Variants in SORCS3 observed in about 807,000 individuals in gnomAD.
SORCS3 encodes VPS10 domain-containing receptor SorCS3.
A neutral mutation model predicts 146.3 loss-of-function variants in SORCS3; 57 were observed. The ratio of observed to expected loss-of-function variants is 0.39; its 90% confidence interval spans 0.31 to 0.49. SORCS3 has a LOEUF of 0.49. Ranked by LOEUF, SORCS3 falls within the 20% of genes least tolerant of loss-of-function variation. The pLI is 0.92. For missense variants in SORCS3, 1,341 were observed against 1,575.5 expected, an observed-to-expected ratio of 0.85 and a Z score of 2.52; for synonymous variants, 653 against 618.5, an observed-to-expected ratio of 1.06 and a Z score of -0.83.
At chr10:104,703,184 T>C (rs1564663283) in intron 1 of SORCS3, among the ~76,000 whole-genome samples, 2 of 152,138 alleles carry the variant, frequency 1.3e-5, no homozygotes, top group Non-Finnish European at 2.9e-5. Flanking sequence ...GCAGTTTAGA[T>C]AAAATGATTC....
At chr10:104,742,948 C>T (rs2016866800) in intron 1 of SORCS3, among the ~76,000 whole-genome samples, 2 of 152,100 alleles carry the variant, frequency 1.3e-5, no homozygotes, top group Non-Finnish European at 2.9e-5. Flanking sequence ...TAGGAATGCC[C>T]TGTGTGTAAG....
chr10:105,091,052 T>C (rs180970653), intron 6 of SORCS3, among the ~76,000 whole-genome samples: 17 of 152,208 alleles, frequency 1.1e-4, no homozygotes, highest in African/African-American at 4.1e-4. Flanking sequence ...ACTATATTTC[T>C]GCCACTCTGT....
chr10:104,954,676 G>A (rs757071958), intron 3 of SORCS3, among the ~76,000 whole-genome samples: 4 of 152,200 alleles, frequency 2.6e-5, no homozygotes, highest in Non-Finnish European at 4.4e-5. Flanking sequence ...ACTGGGCATC[G>A]CGGAAAGGAA....
At chr10:105,213,684 C>T (rs1402728669) in intron 17 of SORCS3, among the ~76,000 whole-genome samples, 1 of 152,148 alleles carries the variant, frequency 6.6e-6, no homozygotes, top group Non-Finnish European at 1.5e-5. Context: ...GACATGGTGT[C>T]ATTGTACATA....
intron 1 of SORCS3, among the ~76,000 whole-genome samples, chr10:104,762,441 A>G (rs2017132031): frequency 6.6e-6 from 1 of 152,140 alleles, no homozygotes; most frequent in Non-Finnish European, 1.5e-5. Context: ...GCGGCATACT[A>G]CTGCGTGGAG....
At chr10:104,823,409 A>C (rs1204130735) in intron 1 of SORCS3, among the ~76,000 whole-genome samples, 1 of 151,582 alleles carries the variant, frequency 6.6e-6, no homozygotes, top group African/African-American at 2.4e-5. Context: ...TTTTTTTCCT[A>C]TTCTGTTCCA....
intron 9 of SORCS3, among the ~76,000 whole-genome samples, chr10:105,153,555 C>A (rs533729073): frequency 5.3e-4 from 80 of 152,018 alleles, no homozygotes; most frequent in African/African-American, 1.8e-3. Flanking sequence ...TTTCCACCAG[C>A]AAGGTATGAG....
At chr10:105,127,044 TGATTGA>T (rs1400294500) in intron 7 of SORCS3, among the ~76,000 whole-genome samples, 2 of 152,152 alleles carry the variant, frequency 1.3e-5, no homozygotes, top group Non-Finnish European at 2.9e-5. Context: ...CAGTACTCGC[TGATTGA>T]CAAATGTAAG....
chr10:105,077,641 C>G (rs2055597443), intron 5 of SORCS3, among the ~76,000 whole-genome samples: 1 of 152,082 alleles, frequency 6.6e-6, no homozygotes, highest in Non-Finnish European at 1.5e-5. Flanking sequence ...TAGGACCTCA[C>G]AGAGTGATCT....
chr10:104,896,531 A>G (rs1482590589), intron 2 of SORCS3, among the ~76,000 whole-genome samples: 1 of 152,210 alleles, frequency 6.6e-6, no homozygotes, highest in African/African-American at 2.4e-5. Flanking sequence ...TTGGTGCTGC[A>G]AGGTCAGTGA....
intron 1 of SORCS3, among the ~76,000 whole-genome samples, chr10:104,655,851 T>C (rs1214015280): frequency 1.3e-5 from 2 of 152,224 alleles, no homozygotes; most frequent in Non-Finnish European, 2.9e-5. Context: ...ATTGGAAGTT[T>C]CCTGAGGTCT....
intron 7 of SORCS3, among the ~76,000 whole-genome samples, chr10:105,121,683 A>G (rs920339560): frequency 2.6e-5 from 4 of 152,194 alleles, no homozygotes; most frequent in Non-Finnish European, 4.4e-5. Context: ...TTTGTTTCAT[A>G]TCAGAAACTT....
chr10:104,965,997 G>A lies in SORCS3; in HGVS notation c.796-11338G>A, dbSNP rs140087442. Reference sequence around the variant, plus strand: ...AAGCATACATGCATATTGGTGTTCCGTGACATTTATATGTAGTTTACATAT... The same window carrying A: ...AAGCATACATGCATATTGGTGTTCCATGACATTTATATGTAGTTTACATAT... On this transcript the variant is annotated intron_variant, in intron 3 of 26. Transcript: ENST00000369701. Among the ~76,000 whole-genome samples the A allele has an allele frequency of 8.6e-3, 1,306 of 152,078 alleles. 11 individuals carry two copies. The highest frequency in any genetic ancestry group is 0.015 in the Admixed American group (227 of 15,264).
At chr10:105,127,704 G>T (rs1219849336) in intron 7 of SORCS3, among the ~76,000 whole-genome samples, 1 of 152,076 alleles carries the variant, frequency 6.6e-6, no homozygotes, top group Non-Finnish European at 1.5e-5. Context: ...GACCCCAAAA[G>T]GACCTGCTTC....
chr10:104,751,939 AT>A (rs2016990498), intron 1 of SORCS3, among the ~76,000 whole-genome samples: 2 of 100,202 alleles, frequency 2.0e-5, no homozygotes, highest in African/African-American at 1.0e-4. Flanking sequence ...ATATATATAT[AT>A]ATATATATAT....
At chr10:104,866,106 T>C (rs1415257072) in intron 2 of SORCS3, among the ~76,000 whole-genome samples, 1 of 152,068 alleles carries the variant, frequency 6.6e-6, no homozygotes, top group African/African-American at 2.4e-5. Flanking sequence ...AGGGGCATGA[T>C]TGAGGTGGTT....
At chr10:104,726,486 G>C (rs1000526834) in intron 1 of SORCS3, among the ~76,000 whole-genome samples, 1 of 152,128 alleles carries the variant, frequency 6.6e-6, no homozygotes, top group Admixed American at 6.6e-5. Context: ...TGAGAGTGGG[G>C]AAGTCTGACC....
chr10:105,223,458 G>A (rs559754130), intron 20 of SORCS3, among the ~76,000 whole-genome samples: 1 of 152,290 alleles, frequency 6.6e-6, no homozygotes, highest in African/African-American at 2.4e-5. Flanking sequence ...AAGGAAGAAA[G>A]AGTACTTTGA....
intron 4 of SORCS3, among the ~76,000 whole-genome samples, chr10:104,991,605 A>C (rs1240504189): frequency 1.3e-5 from 2 of 150,920 alleles, no homozygotes; most frequent in African/African-American, 4.9e-5. Context: ...GGGTTCAAGC[A>C]ATTATTCTGC....
Sources: allele counts gnomAD v4.1 joint callset (sites outside exome capture counted in the v4.1 genomes callset), GRCh38; gene constraint gnomAD v4.1.1; transcripts MANE v1.5; gene names NCBI Gene and HGNC (gene_info 2026-07-23, HGNC 2026-07-21).